Variants in FOLH1 observed in about 807,000 individuals in gnomAD.
FOLH1 encodes the protein glutamate carboxypeptidase 2.
In FOLH1, 54 loss-of-function variants were observed where a neutral mutation model predicts 93.9. That is an observed-to-expected ratio of 0.57 (90% CI 0.46 to 0.72). The LOEUF is 0.72. FOLH1 is among the 30% of genes least tolerant of loss of function. The pLI is 0.00. For synonymous variants in FOLH1, 249 were observed against 303.6 expected (o/e 0.82, Z 1.87); for missense variants, 571 against 892.5 (o/e 0.64, Z 4.59).
chr11:49,153,836 T>G lies in FOLH1; in HGVS notation c.1970+10A>C, dbSNP rs761766231. On this transcript the variant is annotated intron_variant, in intron 17 of 18. Coordinates refer to ENST00000256999, the MANE Select transcript of FOLH1 (RefSeq NM_004476.3). ...ACATACACACATATGCACATATATG[T>G]AGAACATACTTGCTTTTGTCAAAGT... is the stretch of plus-strand genomic sequence containing the variant. 2.5e-6 allele frequency: 4 copies of G among 1,588,522 alleles called. No individual in the cohort carries two copies. The Admixed American group carries it at 5.2e-5, about 21-fold the overall frequency.
At chr11:49,206,635 T>C in intron 1 of FOLH1, 1 of 653,290 alleles carries the variant, frequency 1.5e-6, no homozygotes, top group East Asian at 2.8e-5. Context: ...ATAAATAAAT[T>C]ATTTCCAAGT....
rs1345926556 is a variant in FOLH1, at chr11:49,146,001, A to C, written c.*755T>G. ...ATGATTGTCTTTACAAAAAGTTCAA[A>C]AATACATAATGCCAAAACATGTAAA... On this transcript the variant is annotated 3_prime_UTR_variant, in exon 19 of 19. Coordinates refer to ENST00000256999, the MANE Select transcript of FOLH1 (RefSeq NM_004476.3). 2.0e-5 allele frequency among the ~76,000 whole-genome samples: 3 copies of C among 152,202 alleles called. No homozygotes were observed. The highest frequency in any genetic ancestry group is 6.5e-5 in the Admixed American group (1 of 15,274).
At chr11:49,148,137 GA>G (rs1325719545) in intron 18 of FOLH1, among the ~76,000 whole-genome samples, 1 of 151,546 alleles carries the variant, frequency 6.6e-6, no homozygotes, top group Non-Finnish European at 1.5e-5. Flanking sequence ...ATGTTTGGCA[GA>G]AAAAAATCCA....
chr11:49,207,986 A>C (rs1864165581), intron 1 of FOLH1: 1 of 630,024 alleles, frequency 1.6e-6, no homozygotes, highest in Non-Finnish European at 2.9e-6. Flanking sequence ...AGCAAAAAAA[A>C]AACTTCCTCT....
At chr11:49,199,818 G>A (rs1228305441) in intron 3 of FOLH1, among the ~76,000 whole-genome samples, 2 of 151,988 alleles carry the variant, frequency 1.3e-5, no homozygotes, top group East Asian at 3.9e-4. Flanking sequence ...GACTGAGGAA[G>A]GAGAATCCCT....
intron 15 of FOLH1, among the ~76,000 whole-genome samples, chr11:49,155,835 T>A (rs917438686): frequency 2.2e-3 from 266 of 121,730 alleles, no homozygotes; most frequent in African/African-American, 4.1e-3. Context: ...TATATATATA[T>A]AATCAACAAC....
At chr11:49,189,166 C>A (rs1297197583) in intron 4 of FOLH1, among the ~76,000 whole-genome samples, 1 of 152,110 alleles carries the variant, frequency 6.6e-6, no homozygotes, top group Non-Finnish European at 1.5e-5. Flanking sequence ...GACAGGCTAG[C>A]TTTCAATACC....
chr11:49,189,254 CT>C (rs1565195990), intron 4 of FOLH1, among the ~76,000 whole-genome samples: 1 of 152,174 alleles, frequency 6.6e-6, no homozygotes, highest in Non-Finnish European at 1.5e-5. Flanking sequence ...TTTCGAAAGT[CT>C]TTACACAGCC....
intron 11 of FOLH1, among the ~76,000 whole-genome samples, chr11:49,170,057 A>T (rs1041347911): frequency 7.8e-6 from 1 of 127,588 alleles, no homozygotes; most frequent in Non-Finnish European, 1.6e-5. Flanking sequence ...AGAAAATTAA[A>T]GTCCACAGGG....
At position 49,156,700 on chromosome 11, in the gene FOLH1, A is replaced by G. The variant is rs1312828595; in HGVS notation, c.1623+17T>C. On this transcript the variant is annotated intron_variant, in intron 15 of 18. Transcript: ENST00000256999. Reference sequence around the variant, plus strand: ...ACATATTCATAAATAATCTTAGATAATTTGAGATTCACTTACCCAATTTTT... The same window carrying G: ...ACATATTCATAAATAATCTTAGATAGTTTGAGATTCACTTACCCAATTTTT... 1 of 1,612,544 alleles carries G rather than the reference A, an allele frequency of 6.2e-7. No individual in the cohort carries two copies. Among genetic ancestry groups the G allele is most frequent in the East Asian group, 2.2e-5 (1 of 44,748 alleles).
At position 49,146,474 on chromosome 11, in the gene FOLH1, C is replaced by A. The variant is rs1217483230; in HGVS notation, c.*282G>T. On this transcript the variant is annotated 3_prime_UTR_variant, in exon 19 of 19. Transcript: ENST00000256999. ...GATTAGACTTGATTCCCTGATAATG[C>A]CAGATGAGAGTTTTACTATATTAGG... Among the ~76,000 whole-genome samples the A allele has an allele frequency of 6.6e-6, 1 of 152,086 alleles. No individual in the cohort carries two copies. Among genetic ancestry groups the A allele is most frequent in the Non-Finnish European group, 1.5e-5 (1 of 68,016 alleles).
At chr11:49,188,886 T>C (rs1307962211) in intron 4 of FOLH1, among the ~76,000 whole-genome samples, 1 of 152,234 alleles carries the variant, frequency 6.6e-6, no homozygotes, top group Non-Finnish European at 1.5e-5. Context: ...TCAAGTGTCT[T>C]TTAATGATAT....
intron 3 of FOLH1, among the ~76,000 whole-genome samples, chr11:49,199,659 C>T (rs1166112751): frequency 6.6e-6 from 1 of 152,130 alleles, no homozygotes; most frequent in African/African-American, 2.4e-5. Flanking sequence ...ACGTGTAATT[C>T]TACAACTTTG....
At chr11:49,151,134 G>T (rs1856468317) in intron 17 of FOLH1, among the ~76,000 whole-genome samples, 2 of 152,142 alleles carry the variant, frequency 1.3e-5, no homozygotes, top group Non-Finnish European at 2.9e-5. Context: ...ACTGCACCTT[G>T]CCGACAAAAG....
Position 49,154,357 on chromosome 11 carries a change from G to C in FOLH1, c.1759C>G (p.Leu587Val), listed in dbSNP as rs1390120831. 6.2e-7 allele frequency: 1 copy of C among 1,613,446 alleles called. No individual in the cohort carries two copies. Among genetic ancestry groups the C allele is most frequent in the Admixed American group, 1.7e-5 (1 of 59,862 alleles). Residue 587 changes from leucine to valine, a missense_variant, in exon 16 of 19, where the codon CTA becomes GTA. Leu to Val is a conservative substitution (Grantham distance 32). This residue lies in a region of FOLH1 where 500 missense variants were observed against 822.9 expected (regional missense o/e 0.61). Coordinates refer to ENST00000256999, the MANE Select transcript of FOLH1 (RefSeq NM_004476.3). ...AAAGGGAGCACTATGGAATTGGCTA[G>C]CTCAAACACCATCCCTCCTCGAACC... ...AQVRGGMVFE[L>V]ANSIVLPFDC...
chr11:49,184,721 A>G (rs1454603548), intron 6 of FOLH1, among the ~76,000 whole-genome samples: 1 of 152,268 alleles, frequency 6.6e-6, no homozygotes, highest in South Asian at 2.1e-4. Context: ...TGTCATAGAA[A>G]ACTTGGCAAA....
chr11:49,158,287 C>T (rs978970198), intron 13 of FOLH1, among the ~76,000 whole-genome samples: 4 of 152,090 alleles, frequency 2.6e-5, no homozygotes, highest in African/African-American at 7.2e-5. Context: ...ACAGGCTACA[C>T]CAAATTCATA....
At chr11:49,194,826 C>T (rs1348576178) in intron 3 of FOLH1, among the ~76,000 whole-genome samples, 1 of 151,792 alleles carries the variant, frequency 6.6e-6, no homozygotes, top group Non-Finnish European at 1.5e-5. Flanking sequence ...AAGGCTACTA[C>T]ATAAGTATAA....
chr11:49,194,058 A>G (rs977348815), intron 3 of FOLH1, among the ~76,000 whole-genome samples: 7 of 149,434 alleles, frequency 4.7e-5, no homozygotes, highest in Admixed American at 6.8e-5. Flanking sequence ...AGGCTGAGAC[A>G]GGAGAATCAC....
Sources: allele counts gnomAD v4.1 joint callset (sites outside exome capture counted in the v4.1 genomes callset), GRCh38; gene constraint gnomAD v4.1.1; regional missense constraint gnomAD v4.1.1; transcripts MANE v1.5; gene names NCBI Gene and HGNC (gene_info 2026-07-23, HGNC 2026-07-21).